SORCS2: variants seen among roughly 807,000 people sequenced by gnomAD.
SORCS2 encodes sortilin related VPS10 domain containing receptor 2.
Under a neutral mutation model 141.6 loss-of-function variants are expected in SORCS2, and 100 were observed. That is an observed-to-expected ratio of 0.71 (90% confidence interval 0.60 to 0.83). The LOEUF is 0.83. SORCS2 is among the 40% of genes least tolerant of loss of function. SORCS2 has a pLI of 0.00. For synonymous variants in SORCS2, 789 were observed against 676.9 expected (o/e 1.17, Z -2.57); for missense variants, 1,646 against 1,560.2 (o/e 1.05, Z -0.93).
chr4:7,720,338 C>T (rs1726505302), intron 18 of SORCS2, among the ~76,000 whole-genome samples: 1 of 152,250 alleles, frequency 6.6e-6, no homozygotes, highest in Non-Finnish European at 1.5e-5. Flanking sequence ...GAACCTCAAC[C>T]TAAACCTCAC....
chr4:7,490,643 C>A (rs1202981297), intron 2 of SORCS2, among the ~76,000 whole-genome samples: 2 of 152,172 alleles, frequency 1.3e-5, no homozygotes, highest in East Asian at 3.9e-4. Context: ...TCAGATAGCT[C>A]AGTTCCCAGT....
chr4:7,399,992 T>C (rs1056265387), intron 2 of SORCS2, among the ~76,000 whole-genome samples: 1 of 152,108 alleles, frequency 6.6e-6, no homozygotes, highest in African/African-American at 2.4e-5. Context: ...CCCAAGACTT[T>C]GCATTTCTAA....
intron 3 of SORCS2, among the ~76,000 whole-genome samples, chr4:7,599,063 C>T (rs765434012): frequency 6.6e-6 from 1 of 152,252 alleles, no homozygotes; most frequent in South Asian, 2.1e-4. Context: ...CTGAGTGGAG[C>T]CTTGTTGAGA....
intron 1 of SORCS2, among the ~76,000 whole-genome samples, chr4:7,359,990 C>T (rs1236411834): frequency 2.6e-5 from 4 of 152,176 alleles, no homozygotes; most frequent in Non-Finnish European, 2.9e-5. Context: ...AGGTCACAGT[C>T]GCTGTCATTC....
At chr4:7,272,640 G>A (rs982184282) in intron 1 of SORCS2, among the ~76,000 whole-genome samples, 3 of 152,228 alleles carry the variant, frequency 2.0e-5, no homozygotes, top group Non-Finnish European at 4.4e-5. Flanking sequence ...GGCCTGGGAA[G>A]CATCTTGCAG....
At chr4:7,480,533 C>G (rs117062511) in intron 2 of SORCS2, among the ~76,000 whole-genome samples, 3 of 152,206 alleles carry the variant, frequency 2.0e-5, no homozygotes, top group African/African-American at 7.2e-5. Flanking sequence ...AACAGGCACC[C>G]GCCAAGGGGG....
intron 2 of SORCS2, among the ~76,000 whole-genome samples, chr4:7,410,323 G>A (rs146803662): frequency 7.8e-4 from 119 of 152,338 alleles, no homozygotes; most frequent in Admixed American, 3.3e-3. Flanking sequence ...GAAAGAGGGG[G>A]ACTTCAGAGA....
intron 24 of SORCS2, 91 bp from the exon 25 acceptor site, chr4:7,734,181 G>A: frequency 1.1e-6 from 1 of 919,690 alleles, no homozygotes; most frequent in Non-Finnish European, 1.7e-6. Flanking sequence ...GGACAGGCTG[G>A]GGACGGGTGG....
At chr4:7,294,557 G>A (rs377699069) in intron 1 of SORCS2, among the ~76,000 whole-genome samples, 3 of 151,724 alleles carry the variant, frequency 2.0e-5, no homozygotes, top group South Asian at 4.2e-4. Flanking sequence ...GGTGCAGGGG[G>A]TGCTCTGGGA....
Position 7,724,132 on chromosome 4 carries a change from G to GGTGGTGATGGTGGTGATA in SORCS2, c.2611+255_2611+256insATGGTGGTGATAGTGGTG, listed in dbSNP as rs1560112897. 2.4e-3 allele frequency among the ~76,000 whole-genome samples: 349 copies of GGTGGTGATGGTGGTGATA among 143,198 alleles called. 2 individuals carry two copies. The highest frequency in any genetic ancestry group is 8.7e-3 in the African/African-American group (324 of 37,148). 93.9% of individuals were successfully genotyped at this position (143,198 alleles called of 152,430 possible). On this transcript the variant is annotated intron_variant, in intron 19 of 26. Transcript: ENST00000507866. ...TGGTGGTGATGGTGGTGGTGGTGGT[G>GGTGGTGATGGTGGTGATA]GTGGTGGTGATGGTCGTGGTGGTGG...
At chr4:7,524,653 G>A (rs187264651) in intron 2 of SORCS2, among the ~76,000 whole-genome samples, 8 of 151,654 alleles carry the variant, frequency 5.3e-5, no homozygotes, top group Non-Finnish European at 7.4e-5. Context: ...GATAAGCAGC[G>A]CCGCCGCCCT....
At position 7,246,326 on chromosome 4, in the gene SORCS2, C is replaced by T. The variant is rs545839981; in HGVS notation, c.480+53200C>T. ...CTGACCAAACACATCCGGATCCCTC[C>T]AGGGTGTTATTATGGCTTAAATGAA... On this transcript the variant is annotated intron_variant, in intron 1 of 26. Coordinates refer to ENST00000507866, the MANE Select transcript of SORCS2 (RefSeq NM_020777.3). 2.6e-5 allele frequency among the ~76,000 whole-genome samples: 4 copies of T among 152,336 alleles called. No homozygotes were observed. In the South Asian group the frequency reaches 8.3e-4, roughly 32 times the overall value.
intron 4 of SORCS2, among the ~76,000 whole-genome samples, chr4:7,641,209 G>A (rs1463329856): frequency 3.9e-5 from 6 of 152,176 alleles, no homozygotes; most frequent in Admixed American, 3.9e-4. Flanking sequence ...AGAACTACCT[G>A]AGACTGATTA....
chr4:7,629,840 T>C (rs1370963862), intron 3 of SORCS2, among the ~76,000 whole-genome samples: 1 of 152,046 alleles, frequency 6.6e-6, no homozygotes, highest in Non-Finnish European at 1.5e-5. Flanking sequence ...CCAAACCAGT[T>C]CTTCCTACTG....
intron 1 of SORCS2, among the ~76,000 whole-genome samples, chr4:7,288,066 C>T (rs936722272): frequency 1.3e-5 from 2 of 152,126 alleles, no homozygotes; most frequent in African/African-American, 2.4e-5. Context: ...GCCATGCGGC[C>T]TCCTCCGGTG....
intron 3 of SORCS2, among the ~76,000 whole-genome samples, chr4:7,548,263 T>A (rs1713422995): frequency 6.6e-6 from 1 of 152,168 alleles, no homozygotes; most frequent in African/African-American, 2.4e-5. Flanking sequence ...GGAAGTCACC[T>A]TTGATTTTAC....
At chr4:7,482,571 A>G (rs1489765355) in intron 2 of SORCS2, among the ~76,000 whole-genome samples, 1 of 80,532 alleles carries the variant, frequency 1.2e-5, no homozygotes, top group African/African-American at 7.5e-5. Context: ...TCAGACCTGT[A>G]TCCCCACTGC....
intron 1 of SORCS2, among the ~76,000 whole-genome samples, chr4:7,313,173 T>A (rs900962177): frequency 1.3e-5 from 2 of 152,274 alleles, no homozygotes; most frequent in South Asian, 2.1e-4. Context: ...CCATTTCCGA[T>A]GCATTCATTG....
At chr4:7,676,824 T>TCTCCCC (rs1553902878) in intron 9 of SORCS2, among the ~76,000 whole-genome samples, 3 of 49,078 alleles carry the variant, frequency 6.1e-5, no homozygotes, top group African/African-American at 2.7e-4. Context: ...TCTCTCTCTC[T>TCTCCCC]CTCTCCCTCT....
Sources: gnomAD v4.1 joint callset for allele counts (sites outside exome capture counted in the v4.1 genomes callset) on GRCh38, gnomAD v4.1.1 for gene constraint, MANE v1.5 for transcripts, NCBI Gene and HGNC (gene_info 2026-07-23, HGNC 2026-07-21) for gene names.